The following AFF1 variants were observed in gnomAD, a reference collection of about 807,000 sequenced individuals.
AFF1 encodes ALF transcription elongation factor 1.
In AFF1, 48 loss-of-function variants were observed where a neutral mutation model predicts 121.7. The observed-to-expected ratio is 0.39, with a 90% CI of 0.31 to 0.50. The LOEUF is 0.50. Ranked by LOEUF, AFF1 falls within the 20% of genes least tolerant of loss-of-function variation. The pLI, the probability that AFF1 is intolerant of heterozygous loss-of-function variation, is 0.76. For missense variants in AFF1, 1,523 were observed against 1,511.7 expected (o/e 1.01, Z -0.12); for synonymous variants, 613 against 563.0 (o/e 1.09, Z -1.26).
intron 2 of AFF1, among the ~76,000 whole-genome samples, chr4:87,008,723 T>C (rs1389769369): frequency 6.6e-6 from 1 of 152,134 alleles, no homozygotes; most frequent in African/African-American, 2.4e-5. Context: ...TTAATACAAT[T>C]GTTGCAGATG....
chr4:87,047,595 G>T lies in AFF1; in HGVS notation c.1059+1G>T. ...GAAGATGCCTTCTCAGTCAGTTGAG[G>T]TGTGTGGAATTTCTTATCTTGGGGA... On this transcript the variant is annotated splice_donor_variant, in intron 4 of 20. Transcript: ENST00000395146. LOFTEE classifies it high-confidence loss of function. 1 of 1,614,172 alleles carries T rather than the reference G, an allele frequency of 6.2e-7. No individual in the cohort carries two copies. Among genetic ancestry groups the T allele is most frequent in the South Asian group, 1.1e-5 (1 of 91,088 alleles).
At chr4:86,963,330 T>C (rs1303564206) in intron 2 of AFF1, among the ~76,000 whole-genome samples, 1 of 152,158 alleles carries the variant, frequency 6.6e-6, no homozygotes, top group Non-Finnish European at 1.5e-5. Context: ...TAATCCAATA[T>C]TCATTCATTC....
chr4:86,946,030 C>T (rs1253153317), intron 1 of AFF1, among the ~76,000 whole-genome samples: 1 of 152,076 alleles, frequency 6.6e-6, no homozygotes. Context: ...CCATGTGGTT[C>T]TTTTTGATGT....
At chr4:87,086,721 C>G (rs1359259232) in intron 5 of AFF1, among the ~76,000 whole-genome samples, 1 of 152,300 alleles carries the variant, frequency 6.6e-6, no homozygotes, top group East Asian at 1.9e-4. Context: ...AGCTCTTACT[C>G]TTGACGCTGA....
intron 2 of AFF1, among the ~76,000 whole-genome samples, chr4:87,004,470 A>T (rs973977311): frequency 7.2e-5 from 11 of 152,224 alleles, no homozygotes; most frequent in Non-Finnish European, 1.5e-4. Flanking sequence ...AATTAAAAAA[A>T]TTATTGAGAA....
intron 12 of AFF1, among the ~76,000 whole-genome samples, chr4:87,119,140 T>G (rs575134080): frequency 9.8e-4 from 149 of 152,294 alleles, no homozygotes; most frequent in African/African-American, 3.4e-3. Flanking sequence ...GTTACAGGCA[T>G]GAGTCACCAT....
intron 13 of AFF1, 31 bp downstream of exon 13, chr4:87,125,174 T>G (rs1012388964): frequency 1.3e-5 from 20 of 1,545,702 alleles, no homozygotes; most frequent in Non-Finnish European, 1.6e-5. Flanking sequence ...CCACCTAATC[T>G]ACGGTGATCA....
intron 2 of AFF1, among the ~76,000 whole-genome samples, chr4:86,973,143 G>C (rs1723059526): frequency 6.6e-6 from 1 of 152,172 alleles, no homozygotes; most frequent in Non-Finnish European, 1.5e-5. Flanking sequence ...GTGCACTGCT[G>C]CACGGAGGCA....
At position 87,026,323 on chromosome 4, in the gene AFF1, C is replaced by T. The variant is rs1400028213; in HGVS notation, c.39-19843C>T. Among the ~76,000 whole-genome samples the T allele has an allele frequency of 2.0e-5, 3 of 152,274 alleles. No homozygotes were observed. The South Asian group carries it at 6.2e-4, about 32-fold the overall frequency. On this transcript the variant is annotated intron_variant, in intron 2 of 20. Transcript: ENST00000395146. ...TGTTGGCCAGGCTGGTCTTTGAACC[C>T]TTGACTTCAAGCGATCCTCCTGCCT...
chr4:87,082,950 G>A (rs1723319243), intron 4 of AFF1, among the ~76,000 whole-genome samples: 1 of 152,174 alleles, frequency 6.6e-6, no homozygotes, highest in Non-Finnish European at 1.5e-5. Context: ...CTGCGAGGTA[G>A]GTATTAAATG....
chr4:87,007,398 A>G (rs754921943), intron 2 of AFF1: 1 of 1,614,074 alleles, frequency 6.2e-7, no homozygotes, highest in South Asian at 1.1e-5. Flanking sequence ...CTGGCTCTAT[A>G]AGCTGAATTA....
chr4:87,115,847 G>A (rs1340727865), intron 12 of AFF1, among the ~76,000 whole-genome samples: 1 of 151,872 alleles, frequency 6.6e-6, no homozygotes, highest in Non-Finnish European at 1.5e-5. Flanking sequence ...CTGAGCTCAA[G>A]TTATCCACCC....
Position 87,139,138 on chromosome 4 carries a change from TAC to T in AFF1, c.*3440_*3441del. On this transcript the variant is annotated 3_prime_UTR_variant, in exon 21 of 21. Transcript: ENST00000395146. ...TGATATACAAAGGGATATAAATATATACACTTAAATAGAGAAAAAGAGGTTGA... is the reference window on the plus strand; with the variant it reads ...TGATATACAAAGGGATATAAATATATACTTAAATAGAGAAAAAGAGGTTGA... The T allele has an allele frequency of 4.4e-6, 1 of 229,598 alleles. No homozygotes were observed. The highest frequency in any genetic ancestry group is 8.6e-6 in the Non-Finnish European group (1 of 115,744). 14.2% of individuals were successfully genotyped at this position (229,598 alleles called of 1,614,324 possible).
At chr4:87,083,256 G>A (rs1173248442) in intron 4 of AFF1, among the ~76,000 whole-genome samples, 2 of 152,066 alleles carry the variant, frequency 1.3e-5, no homozygotes, top group African/African-American at 4.8e-5. Flanking sequence ...TGTTTAGCTG[G>A]GTATTAGGAA....
At chr4:87,072,179 C>T (rs575742691) in intron 4 of AFF1, among the ~76,000 whole-genome samples, 205 of 152,078 alleles carry the variant, frequency 1.3e-3, no homozygotes, top group Non-Finnish European at 2.1e-3. Flanking sequence ...CTGGCTAACA[C>T]GGTGAAGACC....
chr4:86,977,738 G>A (rs1273897099), intron 2 of AFF1, among the ~76,000 whole-genome samples: 2 of 152,174 alleles, frequency 1.3e-5, no homozygotes, highest in Non-Finnish European at 2.9e-5. Context: ...GCCAAGAATA[G>A]TACCTAACAC....
At chr4:86,970,810 G>A (rs940601272) in intron 2 of AFF1, among the ~76,000 whole-genome samples, 5 of 152,194 alleles carry the variant, frequency 3.3e-5, no homozygotes, top group East Asian at 1.9e-4. Flanking sequence ...CTTTGCAGGC[G>A]AGGGGGAGCT....
At chr4:87,050,274 A>G (rs1472696110) in intron 4 of AFF1, among the ~76,000 whole-genome samples, 1 of 152,054 alleles carries the variant, frequency 6.6e-6, no homozygotes, top group Non-Finnish European at 1.5e-5. Flanking sequence ...TTATTTGCTT[A>G]ATTGGTCCTA....
intron 2 of AFF1, among the ~76,000 whole-genome samples, chr4:86,994,718 G>A (rs748869303): frequency 5.9e-5 from 9 of 152,194 alleles, no homozygotes; most frequent in Non-Finnish European, 1.2e-4. Context: ...TCTGAGAAGA[G>A]CTGCATTTGT....
Sources: allele counts gnomAD v4.1 joint callset (sites outside exome capture counted in the v4.1 genomes callset), GRCh38; gene constraint gnomAD v4.1.1; transcripts MANE v1.5; gene names NCBI Gene and HGNC (gene_info 2026-07-23, HGNC 2026-07-21).